DPP6: variants seen among roughly 807,000 people sequenced by gnomAD.
DPP6 encodes the protein dipeptidyl peptidase like 6.
DPP6 carries 69 observed loss-of-function variants against 122.6 expected under a neutral mutation model. The ratio of observed to expected loss-of-function variants is 0.56; its 90% CI spans 0.46 to 0.69. DPP6 has a LOEUF of 0.69. DPP6 is among the 30% of genes least tolerant of loss of function. The probability of loss-of-function intolerance (pLI) is 0.00; values close to 1 mark genes in which losing one functional copy is unlikely to be tolerated. For missense variants in DPP6, 928 were observed against 1,116.9 expected, an observed-to-expected ratio of 0.83 and a Z score of 2.41; for synonymous variants, 418 against 433.1, an observed-to-expected ratio of 0.97 and a Z score of 0.43.
intron 1 of DPP6, among the ~76,000 whole-genome samples, chr7:154,420,770 A>T (rs1169250250): frequency 6.6e-6 from 1 of 152,214 alleles, no homozygotes; most frequent in Non-Finnish European, 1.5e-5. Flanking sequence ...ATCATTCCAC[A>T]ATGTATACAT....
intron 1 of DPP6, among the ~76,000 whole-genome samples, chr7:153,993,702 A>G (rs962515068): frequency 2.0e-5 from 3 of 152,326 alleles, no homozygotes; most frequent in South Asian, 2.1e-4. Context: ...TATCACCTCA[A>G]TGATCTTATT....
At chr7:153,919,351 C>T (rs1800526279) in intron 1 of DPP6, among the ~76,000 whole-genome samples, 1 of 152,138 alleles carries the variant, frequency 6.6e-6, no homozygotes, top group African/African-American at 2.4e-5. Context: ...GTCCGAATGC[C>T]TGGCTGGGGA....
At chr7:154,129,143 G>A (rs1808177109) in intron 1 of DPP6, among the ~76,000 whole-genome samples, 1 of 152,000 alleles carries the variant, frequency 6.6e-6, no homozygotes, top group Non-Finnish European at 1.5e-5. Flanking sequence ...TATGGTAGAG[G>A]TCATCCCGTC....
intron 5 of DPP6, among the ~76,000 whole-genome samples, chr7:154,637,104 A>T (rs1835776146): frequency 6.6e-6 from 1 of 152,198 alleles, no homozygotes; most frequent in South Asian, 2.1e-4. Flanking sequence ...TCTTTTGGGT[A>T]ACCCTCGAAT....
At chr7:154,512,715 T>G (rs187766985) in intron 3 of DPP6, among the ~76,000 whole-genome samples, 2 of 152,328 alleles carry the variant, frequency 1.3e-5, no homozygotes, top group Admixed American at 1.3e-4. Flanking sequence ...AATCATCATC[T>G]TAGGGATGGC....
chr7:154,494,609 T>G (rs373681075), intron 3 of DPP6, among the ~76,000 whole-genome samples: 16 of 152,042 alleles, frequency 1.1e-4, no homozygotes, highest in East Asian at 9.7e-4. Context: ...GATAGCTTTC[T>G]CCCTGGGAAA....
intron 1 of DPP6, among the ~76,000 whole-genome samples, chr7:153,920,377 T>A (rs1321167500): frequency 1.3e-5 from 2 of 152,116 alleles, no homozygotes; most frequent in East Asian, 3.9e-4. Flanking sequence ...CGATGCTGTG[T>A]GGCAACAATG....
chr7:154,444,547 T>A (rs1819694477), intron 1 of DPP6, among the ~76,000 whole-genome samples: 1 of 152,256 alleles, frequency 6.6e-6, no homozygotes, highest in African/African-American at 2.4e-5. Context: ...TTCTGGTTCA[T>A]GAATAAGATT....
At chr7:153,910,857 C>A (rs1016358785) in intron 1 of DPP6, among the ~76,000 whole-genome samples, 1 of 152,166 alleles carries the variant, frequency 6.6e-6, no homozygotes, top group Admixed American at 6.5e-5. Context: ...AGATGCATCA[C>A]ATCTGACCAC....
Position 154,821,435 on chromosome 7 carries a change from CGATT to C in DPP6, c.1666+14329_1666+14332del, listed in dbSNP as rs1383017869. Among the ~76,000 whole-genome samples, 4 of 151,746 alleles carry C rather than the reference CGATT, an allele frequency of 2.6e-5. No individual in the cohort carries two copies. The South Asian group carries it at 6.3e-4, about 24-fold the overall frequency. ...AATAGATGAGAGGGAAATGACTGAC[CGATT>C]GATTGGCAGGTAGGAAAATTAAAGT... On this transcript the variant is annotated intron_variant, in intron 16 of 25. Transcript: ENST00000377770. The surrounding 1 kb of genome is among the most constrained non-coding windows in gnomAD (Gnocchi z 4.2).
the DPP6 span, among the ~76,000 whole-genome samples, chr7:153,771,636 G>C: frequency 2.0e-5 from 3 of 152,270 alleles, no homozygotes; most frequent in African/African-American, 7.2e-5. Flanking sequence ...TACCACACCT[G>C]GCCCCCCTGA....
At chr7:154,398,616 C>T (rs62475098) in intron 1 of DPP6, among the ~76,000 whole-genome samples, 2 of 125,888 alleles carry the variant, frequency 1.6e-5, no homozygotes, top group Non-Finnish European at 3.4e-5. Context: ...TTCATATTTT[C>T]TCTCTCTCTC....
At chr7:153,947,114 C>T (rs969905564) in intron 1 of DPP6, among the ~76,000 whole-genome samples, 7 of 152,166 alleles carry the variant, frequency 4.6e-5, no homozygotes, top group Non-Finnish European at 8.8e-5. Flanking sequence ...TCCCTCTTAG[C>T]CAAAGGAATC....
At chr7:154,308,760 T>G (rs1157755483) in intron 1 of DPP6, among the ~76,000 whole-genome samples, 3 of 152,152 alleles carry the variant, frequency 2.0e-5, no homozygotes, top group Non-Finnish European at 4.4e-5. Flanking sequence ...AAGTACAAAT[T>G]TATTGTAGTA....
chr7:154,385,812 C>T (rs1814058272), intron 1 of DPP6, among the ~76,000 whole-genome samples: 1 of 152,116 alleles, frequency 6.6e-6, no homozygotes, highest in Non-Finnish European at 1.5e-5. Flanking sequence ...TTTGATTACT[C>T]AATAAGTGAG....
intron 1 of DPP6, among the ~76,000 whole-genome samples, chr7:154,339,843 G>A (rs923988648): frequency 6.6e-6 from 1 of 152,158 alleles, no homozygotes; most frequent in African/African-American, 2.4e-5. Context: ...GGGAGCCTGA[G>A]ATGGGCGGAT....
intron 1 of DPP6, among the ~76,000 whole-genome samples, chr7:154,152,167 T>G (rs1796457420): frequency 6.7e-6 from 1 of 150,326 alleles, no homozygotes; most frequent in African/African-American, 2.5e-5. Context: ...TTGCTGGAGG[T>G]GCTGGCTACA....
intron 1 of DPP6, among the ~76,000 whole-genome samples, chr7:154,372,014 A>G (rs1812716555): frequency 6.6e-6 from 1 of 151,972 alleles, no homozygotes; most frequent in South Asian, 2.1e-4. Context: ...TGAGGGATGT[A>G]AAGAGGAGAA....
intron 5 of DPP6, among the ~76,000 whole-genome samples, chr7:154,571,230 CA>C (rs1831090081): frequency 6.6e-6 from 1 of 152,106 alleles, no homozygotes; most frequent in Admixed American, 6.5e-5. Context: ...CTAATTAGAG[CA>C]GCCATGCTTT....
Sources: gnomAD v4.1 joint callset for allele counts (sites outside exome capture counted in the v4.1 genomes callset) on GRCh38, gnomAD v4.1.1 for gene constraint, Gnocchi (gnomAD v3.1) non-coding constraint, MANE v1.5 for transcripts, NCBI Gene and HGNC (gene_info 2026-07-23, HGNC 2026-07-21) for gene names.